PRDM16: variants seen among roughly 807,000 people sequenced by gnomAD.
PRDM16 encodes the protein histone-lysine N-methyltransferase PRDM16.
PRDM16 carries 23 observed loss-of-function variants against 110.6 expected under a neutral mutation model. The observed-to-expected ratio is 0.21, with a 90% confidence interval of 0.15 to 0.29. The LOEUF (loss-of-function observed/expected upper bound fraction) is 0.29, where lower values mean the gene tolerates loss of function less well. Among genes scored for constraint, PRDM16 ranks in the 10% least tolerant of loss-of-function variants. PRDM16 has a pLI of 1.00. For missense variants in PRDM16, 1,615 were observed against 1,794.3 expected, an observed-to-expected ratio of 0.90 and a Z score of 1.81; for synonymous variants, 799 against 781.8, an observed-to-expected ratio of 1.02 and a Z score of -0.37.
intron 1 of PRDM16, among the ~76,000 whole-genome samples, chr1:3,178,746 C>T (rs1644118635): frequency 6.6e-6 from 1 of 152,190 alleles, no homozygotes; most frequent in Non-Finnish European, 1.5e-5. Flanking sequence ...GGGCACCCCT[C>T]CTGGAGGCTT....
chr1:3,175,625 G>A lies in PRDM16; in HGVS notation c.38-10500G>A, dbSNP rs1369998326. Among the ~76,000 whole-genome samples the A allele has an allele frequency of 6.6e-6, 1 of 152,140 alleles. No individual in the cohort carries two copies. Among genetic ancestry groups the A allele is most frequent in the South Asian group, 2.1e-4 (1 of 4,818 alleles). ...ATGGGGCCCCAACAAGCCTCAGGTGGAAGCTGCAGTCCCGTGGAGCCAGGC... is the reference window on the plus strand; with the variant it reads ...ATGGGGCCCCAACAAGCCTCAGGTGAAAGCTGCAGTCCCGTGGAGCCAGGC... On this transcript the variant is annotated intron_variant, in intron 1 of 16. Coordinates refer to ENST00000270722, the MANE Select transcript of PRDM16 (RefSeq NM_022114.4). This position sits in a 1 kb window ranked among gnomAD's most constrained non-coding sequence, Gnocchi z 4.8.
At chr1:3,239,758 G>T (rs1377102031) in intron 2 of PRDM16, among the ~76,000 whole-genome samples, 4 of 152,086 alleles carry the variant, frequency 2.6e-5, no homozygotes, top group African/African-American at 9.7e-5. Context: ...AAATCAGCCT[G>T]AACAACATAG....
intron 1 of PRDM16, among the ~76,000 whole-genome samples, chr1:3,077,384 A>G (rs928670475): frequency 6.6e-6 from 1 of 151,926 alleles, no homozygotes; most frequent in Non-Finnish European, 1.5e-5. Context: ...CCCCTCCCTC[A>G]CTGCTGCTGG....
intron 3 of PRDM16, among the ~76,000 whole-genome samples, chr1:3,377,121 T>C (rs377123390): frequency 3.3e-5 from 5 of 152,348 alleles, no homozygotes; most frequent in African/African-American, 1.2e-4. Context: ...CCAGGGCTTC[T>C]TACTCTGAAT....
At chr1:3,274,695 ACT>A (rs1640542883) in intron 3 of PRDM16, among the ~76,000 whole-genome samples, 1 of 151,974 alleles carries the variant, frequency 6.6e-6, no homozygotes, top group African/African-American at 2.4e-5. Context: ...ATTATTACAG[ACT>A]CTGTCTGCAC....
chr1:3,284,395 G>A (rs1557581001), intron 3 of PRDM16, among the ~76,000 whole-genome samples: 1 of 152,156 alleles, frequency 6.6e-6, no homozygotes, highest in Admixed American at 6.5e-5. Flanking sequence ...GAGCCAGGTG[G>A]GCGTTCTCCT....
At chr1:3,305,702 G>A (rs1190771512) in intron 3 of PRDM16, among the ~76,000 whole-genome samples, 1 of 152,238 alleles carries the variant, frequency 6.6e-6, no homozygotes, top group African/African-American at 2.4e-5. Context: ...GGAGCAGGCA[G>A]GACTGCCAGG....
intron 1 of PRDM16, among the ~76,000 whole-genome samples, chr1:3,165,565 G>GCCCAGGGACAGGGA: frequency 8.8e-6 from 1 of 113,056 alleles, no homozygotes; most frequent in Non-Finnish European, 1.7e-5. Flanking sequence ...ACTCACCAGG[G>GCCCAGGGACAGGGA]CTCAGGGACA....
chr1:3,085,949 T>A (rs1429964918), intron 1 of PRDM16, among the ~76,000 whole-genome samples: 2 of 152,222 alleles, frequency 1.3e-5, no homozygotes, highest in Admixed American at 6.5e-5. Flanking sequence ...TGGGTTCACG[T>A]TGACAGAGGG....
At chr1:3,430,380 G>T (rs972428303) in intron 14 of PRDM16, among the ~76,000 whole-genome samples, 1 of 152,190 alleles carries the variant, frequency 6.6e-6, no homozygotes, top group Non-Finnish European at 1.5e-5. Flanking sequence ...CTCACAGCAG[G>T]CTTTGGGCCC....
intron 4 of PRDM16, chr1:3,396,191 G>A (rs760174236): frequency 4.3e-6 from 2 of 465,710 alleles, no homozygotes; most frequent in Non-Finnish European, 4.2e-6. Flanking sequence ...TGGTGGAAGC[G>A]GGGCTCTGCT....
intron 3 of PRDM16, among the ~76,000 whole-genome samples, chr1:3,336,902 TGTGA>T (rs1642168596): frequency 6.6e-6 from 1 of 151,336 alleles, no homozygotes; most frequent in South Asian, 2.1e-4. Flanking sequence ...TGTGTGTTGG[TGTGA>T]GTCTGTGTGT....
chr1:3,347,088 C>T (rs556718701), intron 3 of PRDM16, among the ~76,000 whole-genome samples: 4 of 152,324 alleles, frequency 2.6e-5, no homozygotes, highest in Admixed American at 2.6e-4. Context: ...CCAGGAAACC[C>T]AGGTGCCCAG....
chr1:3,370,935 C>T lies in PRDM16; in HGVS notation c.439-14217C>T, dbSNP rs1642894449. 6.6e-6 allele frequency among the ~76,000 whole-genome samples: 1 copy of T among 150,960 alleles called. No homozygotes were observed. The highest frequency in any genetic ancestry group is 2.4e-5 in the African/African-American group (1 of 40,942). ...CCATCCATGCATCCACTGAATAATC[C>T]ACCCATTCATCCATTCACCATCCAT... On this transcript the variant is annotated intron_variant, in intron 3 of 16. Transcript: ENST00000270722. The surrounding 1 kb of genome is among the most constrained non-coding windows in gnomAD (Gnocchi z 4.8).
intron 3 of PRDM16, among the ~76,000 whole-genome samples, chr1:3,282,076 G>A (rs995203052): frequency 6.6e-6 from 1 of 152,246 alleles, no homozygotes; most frequent in African/African-American, 2.4e-5. Flanking sequence ...CCAGCCTCTA[G>A]GTATGGGACG....
intron 1 of PRDM16, among the ~76,000 whole-genome samples, chr1:3,121,400 T>G (rs1643090640): frequency 6.6e-6 from 1 of 152,254 alleles, no homozygotes; most frequent in Non-Finnish European, 1.5e-5. Context: ...GAAAGCAACC[T>G]GGAGCTGTTT....
At chr1:3,328,957 C>A (rs61451238) in intron 3 of PRDM16, among the ~76,000 whole-genome samples, 4,229 of 152,266 alleles carry the variant, frequency 0.028, 190 homozygotes, top group African/African-American at 0.095. Context: ...CCAATGCTGG[C>A]GGGTAGGGAA....
In PRDM16 at chr1:3,417,875, C is replaced by G; in HGVS notation, c.2739C>G (p.Ala913=). ...CAGAGAAGCTGGAGAGCTTTGCAGC[C>G]ATGAAGGCGGACTCGGGCAGCTCCC... ...TMTEKLESFA[A]MKADSGSSLQ... is the part of the protein sequence containing the mutation. The change falls in exon 11 of 17, where the codon GCC becomes GCG. Residue 913 remains alanine (A), a synonymous_variant. Transcript: ENST00000270722. 6.2e-7 allele frequency: 1 copy of G among 1,613,850 alleles called. No individual in the cohort carries two copies. The highest frequency in any genetic ancestry group is 8.5e-7 in the Non-Finnish European group (1 of 1,179,930).
At chr1:3,082,325 G>A (rs1642048398) in intron 1 of PRDM16, among the ~76,000 whole-genome samples, 2 of 152,324 alleles carry the variant, frequency 1.3e-5, no homozygotes, top group South Asian at 4.1e-4. Context: ...GTCCAGGAGG[G>A]CGCCTCGGGG....
Sources: allele counts gnomAD v4.1 joint callset (sites outside exome capture counted in the v4.1 genomes callset), GRCh38; gene constraint gnomAD v4.1.1; non-coding constraint Gnocchi (gnomAD v3.1); transcripts MANE v1.5; gene names NCBI Gene and HGNC (gene_info 2026-07-23, HGNC 2026-07-21).